The following MANBAL variants were observed in gnomAD, a reference collection of about 807,000 sequenced individuals.
The protein encoded by MANBAL is mannosidase beta like.
Under a neutral mutation model 6.4 loss-of-function variants are expected in MANBAL, and 1 was observed. The observed-to-expected ratio is 0.16, with a 90% CI of 0.06 to 0.74. MANBAL has a LOEUF of 0.74. Among genes scored for constraint, MANBAL ranks in the 30% least tolerant of loss-of-function variants. The pLI is 0.78. For synonymous variants in MANBAL, 47 were observed against 45.8 expected (o/e 1.03, Z -0.10); for missense variants, 100 against 107.8 (o/e 0.93, Z 0.32).
intron 1 of MANBAL, among the ~76,000 whole-genome samples, chr20:37,299,778 T>G (rs1184591561): frequency 6.6e-6 from 1 of 151,750 alleles, no homozygotes; most frequent in Non-Finnish European, 1.5e-5. Context: ...AGAGGCAGAG[T>G]GGGGGCTTTG....
intron 2 of MANBAL, 45 bp from the exon 3 acceptor site, chr20:37,316,263 G>A (rs1234716070): frequency 6.4e-7 from 1 of 1,558,634 alleles, no homozygotes; most frequent in Admixed American, 1.8e-5. Context: ...GCTGGCGTCA[G>A]GCTTGATCCA....
intron 2 of MANBAL, among the ~76,000 whole-genome samples, chr20:37,303,669 T>C (rs2069192155): frequency 6.6e-6 from 1 of 152,110 alleles, no homozygotes; most frequent in Non-Finnish European, 1.5e-5. Flanking sequence ...AAAAGGTACA[T>C]GGGGCAGAGA....
chr20:37,294,829 G>A (rs990090181), intron 1 of MANBAL, among the ~76,000 whole-genome samples: 16 of 152,206 alleles, frequency 1.1e-4, no homozygotes, highest in African/African-American at 3.9e-4. Context: ...GCAGGGATTA[G>A]ACCAGTGCCT....
At chr20:37,303,160 C>T (rs1481609632) in intron 2 of MANBAL, among the ~76,000 whole-genome samples, 1 of 152,216 alleles carries the variant, frequency 6.6e-6, no homozygotes, top group Non-Finnish European at 1.5e-5. Context: ...ATCCACTTGC[C>T]TTGAGCTCCC....
intron 1 of MANBAL, among the ~76,000 whole-genome samples, chr20:37,291,887 G>A (rs889208111): frequency 2.6e-5 from 4 of 152,170 alleles, no homozygotes; most frequent in Admixed American, 6.5e-5. Context: ...ATGTGGAACC[G>A]TGAGTCCGTT....
At chr20:37,291,168 TC>T (rs2068858314) in intron 1 of MANBAL, among the ~76,000 whole-genome samples, 1 of 152,244 alleles carries the variant, frequency 6.6e-6, no homozygotes, top group African/African-American at 2.4e-5. Flanking sequence ...GTTGACCCAT[TC>T]TTTTTTTCCC....
chr20:37,299,490 G>A (rs1321918363), intron 1 of MANBAL, among the ~76,000 whole-genome samples: 2 of 152,198 alleles, frequency 1.3e-5, no homozygotes, highest in African/African-American at 2.4e-5. Flanking sequence ...AACTAGCTGC[G>A]TTTCAAGTCT....
At chr20:37,293,938 T>G (rs771017429) in intron 1 of MANBAL, among the ~76,000 whole-genome samples, 3 of 152,180 alleles carry the variant, frequency 2.0e-5, no homozygotes, top group Non-Finnish European at 2.9e-5. Context: ...TGGAACACCC[T>G]GACTTCATGC....
intron 2 of MANBAL, among the ~76,000 whole-genome samples, chr20:37,311,004 G>C (rs1426975295): frequency 1.3e-5 from 2 of 151,928 alleles, no homozygotes; most frequent in Non-Finnish European, 2.9e-5. Context: ...TGGGACCCCA[G>C]GGCCCAGGTC....
At chr20:37,313,027 C>G (rs1208959085) in intron 2 of MANBAL, among the ~76,000 whole-genome samples, 3 of 152,216 alleles carry the variant, frequency 2.0e-5, no homozygotes, top group South Asian at 4.1e-4. Flanking sequence ...TTCATTGATT[C>G]AGCAACAGTT....
chr20:37,297,693 A>T (rs1171602021), intron 1 of MANBAL, among the ~76,000 whole-genome samples: 1 of 150,158 alleles, frequency 6.7e-6, no homozygotes, highest in Middle Eastern at 3.2e-3. Flanking sequence ...CCCAGGCTGG[A>T]GTGCAGTGGC....
At chr20:37,307,118 C>A (rs2069276222) in intron 2 of MANBAL, among the ~76,000 whole-genome samples, 1 of 152,280 alleles carries the variant, frequency 6.6e-6, no homozygotes. Flanking sequence ...TGCTCCACCA[C>A]ACCTGGCTAA....
intron 2 of MANBAL, among the ~76,000 whole-genome samples, chr20:37,313,480 G>C (rs550519087): frequency 2.6e-5 from 4 of 152,352 alleles, no homozygotes; most frequent in African/African-American, 9.6e-5. Context: ...TGAGGCGGGT[G>C]GATCACTGGA....
intron 2 of MANBAL, among the ~76,000 whole-genome samples, chr20:37,315,128 C>T (rs1218346188): frequency 6.6e-6 from 1 of 152,190 alleles, no homozygotes; most frequent in Non-Finnish European, 1.5e-5. Flanking sequence ...AAAGGGGCAG[C>T]GCCTCCTCAG....
In MANBAL at chr20:37,317,131, A is replaced by G. The variant is rs999344157; in HGVS notation, c.*716A>G. The G allele has an allele frequency of 2.6e-5, 4 of 152,682 alleles. No individual in the cohort carries two copies. The highest frequency in any genetic ancestry group is 5.9e-5 in the Non-Finnish European group (4 of 68,056). The allele number at this position is 152,682 out of a possible 1,614,324, so 9.5% of individuals were successfully genotyped here. On this transcript the variant is annotated 3_prime_UTR_variant, in exon 3 of 3. Transcript: ENST00000373606. ...CAGACCAACCTCTTTTCAACCCATC[A>G]TAGCACGTTCAAGGTGTGCCTTTTA... is the stretch of plus-strand genomic sequence containing the variant.
At chr20:37,305,643 G>T (rs2069240975) in intron 2 of MANBAL, among the ~76,000 whole-genome samples, 1 of 150,152 alleles carries the variant, frequency 6.7e-6, no homozygotes, top group Non-Finnish European at 1.5e-5. Flanking sequence ...GCTCACACAA[G>T]TAAATTGTCT....
At position 37,301,881 on chromosome 20, in the gene MANBAL, A is replaced by G. The variant is rs141670060; in HGVS notation, c.150+468A>G. ...TGAAAGTGGGCAAGGGGCGAGGACA[A>G]CATTCCAGGGAGAGGGCACTGCACG... is the stretch of plus-strand genomic sequence containing the variant. On this transcript the variant is annotated intron_variant, in intron 2 of 2. Coordinates refer to ENST00000373606, the MANE Select transcript of MANBAL (RefSeq NM_001003897.2). Among the ~76,000 whole-genome samples, 239 of 152,342 alleles carry G rather than the reference A, an allele frequency of 1.6e-3. 2 individuals carry two copies. Among genetic ancestry groups the G allele is most frequent in the Non-Finnish European group, 2.1e-3 (145 of 68,030 alleles).
chr20:37,296,209 A>C (rs1481405343), intron 1 of MANBAL, among the ~76,000 whole-genome samples: 1 of 152,212 alleles, frequency 6.6e-6, no homozygotes, highest in Non-Finnish European at 1.5e-5. Context: ...CAAATACAGA[A>C]CATTTCCATC....
rs1883686 is a variant in MANBAL at position 37,313,021 on chromosome 20, T to C, written c.151-3287T>C. On this transcript the variant is annotated intron_variant, in intron 2 of 2. Coordinates refer to ENST00000373606, the MANE Select transcript of MANBAL (RefSeq NM_001003897.2). ...TTTCATTCATTCATTCACTCATTCATTGATTCAGCAACAGTTGAAGCTATC... is the reference window on the plus strand; with the variant it reads ...TTTCATTCATTCATTCACTCATTCACTGATTCAGCAACAGTTGAAGCTATC... Among the ~76,000 whole-genome samples, 778 of 152,354 alleles carry C rather than the reference T, an allele frequency of 5.1e-3. 10 individuals carry two copies. The highest frequency in any genetic ancestry group is 0.018 in the African/African-American group (750 of 41,588).
Sources: allele counts gnomAD v4.1 joint callset (sites outside exome capture counted in the v4.1 genomes callset), GRCh38; gene constraint gnomAD v4.1.1; transcripts MANE v1.5; gene names NCBI Gene and HGNC (gene_info 2026-07-23, HGNC 2026-07-21).